SLC16A8: variants seen among roughly 807,000 people sequenced by gnomAD.
SLC16A8 encodes the protein monocarboxylate transporter 3.
A neutral mutation model predicts 22.4 loss-of-function variants in SLC16A8; 20 were observed. That is an observed-to-expected ratio of 0.89 (90% confidence interval 0.63 to 1.30). The LOEUF (loss-of-function observed/expected upper bound fraction) is 1.30. Ranked by LOEUF, SLC16A8 falls within the 50% of genes most tolerant of loss-of-function variation. The pLI is 0.00. For synonymous variants in SLC16A8, 393 were observed against 358.8 expected, an observed-to-expected ratio of 1.10 and a Z score of -1.08; for missense variants, 817 against 740.3, an observed-to-expected ratio of 1.10 and a Z score of -1.20.
Position 38,082,802 on chromosome 22 carries a change from G to A in SLC16A8, c.72C>T (p.Ala24=). ...DGGWGWVVLG[A]CFVVTGFAYG... ...AGGCGAAGCCGGTGACCACAAAGCA[G>A]GCGCCCAGCACCACCCAGCCCCAGC... The change falls in exon 3 of 6, where the codon GCC becomes GCT. Residue 24 remains alanine, a synonymous_variant. Coordinates refer to ENST00000681075, the MANE Select transcript of SLC16A8 (RefSeq NM_013356.3). The A allele has an allele frequency of 1.3e-6, 2 of 1,593,546 alleles. No homozygotes were observed. The highest frequency in any genetic ancestry group is 8.5e-7 in the Non-Finnish European group (1 of 1,173,978).
In SLC16A8 at chr22:38,079,801, C is replaced by T. The variant is rs550149466; in HGVS notation, c.1198+1039G>A. 3.3e-5 allele frequency among the ~76,000 whole-genome samples: 5 copies of T among 152,328 alleles called. No individual in the cohort carries two copies. In the South Asian group the frequency reaches 1.0e-3, roughly 32 times the overall value. Reference sequence around the variant, plus strand: ...TCTAGGTCATTCTCCTCACCCCATGCACCTCCTCTGCCCATCAGATCCATC... The same window carrying T: ...TCTAGGTCATTCTCCTCACCCCATGTACCTCCTCTGCCCATCAGATCCATC... On this transcript the variant is annotated intron_variant, in intron 5 of 5. Coordinates refer to ENST00000681075, the MANE Select transcript of SLC16A8 (RefSeq NM_013356.3).
Position 38,080,980 on chromosome 22 carries a change from A to C in SLC16A8, c.1058T>G (p.Phe353Cys), listed in dbSNP as rs1457940600. The part of the protein sequence containing the change: ...YGALVAFCVA[F>C]GLSYGMVGAL... The stretch of plus-strand genomic sequence containing the variant: ...GCCCACCATGCCGTAGGAGAGGCCG[A>C]AGGCGACGCAGAAGGCGACGAGGGC... Residue 353 changes from phenylalanine to cysteine, a missense_variant, in exon 5 of 6, where the codon TTC (phenylalanine) becomes TGC (cysteine). Transcript: ENST00000681075. 1.9e-6 allele frequency: 3 copies of C among 1,597,196 alleles called. No individual in the cohort carries two copies. Among genetic ancestry groups the C allele is most frequent in the Non-Finnish European group, 2.5e-6 (3 of 1,176,712 alleles).
chr22:38,081,343 G>T lies in SLC16A8; in HGVS notation c.695C>A (p.Ala232Glu), dbSNP rs1015847191. Residue 232 changes from alanine (A) to glutamate (E), a missense_variant, in exon 5 of 6, where the codon GCA becomes GAA. Physicochemically the swap from Ala to Glu is moderately radical, Grantham distance 107. Transcript: ENST00000681075. ...CCGGCGGGGCCGGACCCTGGGGGATGCCTCGCGCAGCTGCAGCCCCGCACC... is the reference window on the plus strand; with the variant it reads ...CCGGCGGGGCCGGACCCTGGGGGATTCCTCGCGCAGCTGCAGCCCCGCACC... ...ADGAGLQLREASPRVRPRRRL... is the reference protein window; with the variant it reads ...ADGAGLQLREESPRVRPRRRL... The T allele has an allele frequency of 2.7e-6, 4 of 1,463,338 alleles. No individual in the cohort carries two copies. The highest frequency in any genetic ancestry group is 3.0e-5 in the African/African-American group (2 of 67,456). The allele number at this position is 1,463,338 out of a possible 1,614,324, so 90.6% of individuals were successfully genotyped here.
rs1358683580 is a variant in SLC16A8, at chr22:38,082,721, G to T, written c.153C>A (p.Asp51Glu). 6.3e-7 allele frequency: 1 copy of T among 1,592,058 alleles called. No homozygotes were observed. ...VFFRALMRDF[D>E]AGYSDTAWVS... The stretch of plus-strand genomic sequence containing the variant: ...CCCAGGCCGTGTCGCTGTAGCCGGC[G>T]TCGAAGTCGCGCATGAGCGCGCGGA... The change falls in exon 3 of 6, where the codon GAC (aspartate) becomes GAA (glutamate). Residue 51 changes from aspartate (D) to glutamate (E), a missense_variant. Physicochemically the swap from Asp to Glu is conservative, Grantham distance 45 (BLOSUM62 2). Coordinates refer to ENST00000681075, the MANE Select transcript of SLC16A8 (RefSeq NM_013356.3).
In SLC16A8 at chr22:38,080,946, C is replaced by T. The variant is rs2085905152; in HGVS notation, c.1092G>A (p.Gln364=). ...GLSYGMVGAL[Q]FEVLMAAVGA... is the part of the protein sequence containing the mutation. ...CCACAGCCGCCATGAGCACCTCGAA[C>T]TGCAGCGCGCCCACCATGCCGTAGG... Residue 364 remains glutamine, a synonymous_variant, in exon 5 of 6, where the codon CAG becomes CAA. Transcript: ENST00000681075. 3 of 1,588,996 alleles carry T rather than the reference C, an allele frequency of 1.9e-6. No individual in the cohort carries two copies. Among genetic ancestry groups the T allele is most frequent in the Non-Finnish European group, 2.6e-6 (3 of 1,173,472 alleles).
Position 38,082,662 on chromosome 22 carries a change from G to T in SLC16A8, c.212C>A (p.Thr71Lys). ...SSIMLAMLYG[T>K]GPVSSILVTR... The stretch of plus-strand genomic sequence containing the variant: ...GAGGGCCGGGCGGGGACACTGACCC[G>T]TGCCGTAGAGCATGGCTAGCATGAT... The change falls in exon 3 of 6, where the codon ACG becomes AAG. Residue 71 changes from threonine (T) to lysine (K), a missense_variant and splice_region_variant. Thr to Lys is a moderately conservative substitution (Grantham distance 78). Transcript: ENST00000681075. The T allele has an allele frequency of 6.4e-7, 1 of 1,570,876 alleles. No individual in the cohort carries two copies. Among genetic ancestry groups the T allele is most frequent in the Non-Finnish European group, 8.6e-7 (1 of 1,160,012 alleles).
At chr22:38,082,179 C>T in intron 3 of SLC16A8, 147 bp from the exon 4 acceptor site, 3 of 1,027,470 alleles carry the variant, frequency 2.9e-6, no homozygotes, top group Non-Finnish European at 4.1e-6. Flanking sequence ...AAAGAGACAG[C>T]ATCCTGCGAG....
rs759275465 is a variant in SLC16A8, at chr22:38,082,730, G to A, written c.144C>T (p.Arg48=). 1.3e-6 allele frequency: 2 copies of A among 1,591,294 alleles called. No individual in the cohort carries two copies. Among genetic ancestry groups the A allele is most frequent in the Non-Finnish European group, 8.5e-7 (1 of 1,171,094 alleles). ...AVSVFFRALM[R]DFDAGYSDTA... ...TGTCGCTGTAGCCGGCGTCGAAGTC[G>A]CGCATGAGCGCGCGGAAGAAGACGC... The change falls in exon 3 of 6, where the codon CGC becomes CGT. Residue 48 remains arginine (R), a synonymous_variant. Coordinates refer to ENST00000681075, the MANE Select transcript of SLC16A8 (RefSeq NM_013356.3).
intron 5 of SLC16A8, among the ~76,000 whole-genome samples, chr22:38,079,906 G>T (rs1414813070): frequency 6.6e-6 from 1 of 152,198 alleles, no homozygotes; most frequent in African/African-American, 2.4e-5. Context: ...CACTGGCTCA[G>T]GGACTTTGCC....
At chr22:38,083,580 C>T (rs182287859) in intron 1 of SLC16A8, among the ~76,000 whole-genome samples, 4 of 152,332 alleles carry the variant, frequency 2.6e-5, no homozygotes, top group Admixed American at 1.3e-4. Context: ...AGGTCTCTGG[C>T]TTCTGCCAGA....
At position 38,081,235 on chromosome 22, in the gene SLC16A8, A is replaced by G. The variant is rs1324259955; in HGVS notation, c.803T>C (p.Phe268Ser). ...GTTCACCAGCAGGATGGCGGGGACG[A>G]AGAGCCCGAGCGCCATCAGGAACTT... ...VTKFLMALGL[F>S]VPAILLVNYA... Residue 268 changes from phenylalanine (F) to serine (S), a missense_variant, in exon 5 of 6, where the codon TTC becomes TCC. By Grantham distance (155) the Phe-to-Ser change is radical. Coordinates refer to ENST00000681075, the MANE Select transcript of SLC16A8 (RefSeq NM_013356.3). 7.6e-6 allele frequency: 12 copies of G among 1,581,904 alleles called. No homozygotes were observed. Among genetic ancestry groups the G allele is most frequent in the African/African-American group, 1.4e-5 (1 of 73,938 alleles).
rs2085919201 is a variant in SLC16A8 at position 38,081,613 on chromosome 22, C to T, written c.425G>A (p.Arg142Gln). The change falls in exon 5 of 6, where the codon CGG becomes CAG. Residue 142 changes from arginine (R) to glutamine (Q), a missense_variant. Arg to Gln is a conservative substitution (Grantham distance 43). Transcript: ENST00000681075. ...IMLGLYFERR[R>Q]PLANGLAAAG... ...CGCCGCCAGCCCGTTGGCCAGAGGC[C>T]GCCGCCGCTCGAAGTACAGCCCCAG... 9 of 1,520,502 alleles carry T rather than the reference C, an allele frequency of 5.9e-6. No individual in the cohort carries two copies. Among genetic ancestry groups the T allele is most frequent in the East Asian group, 2.6e-5 (1 of 38,262 alleles). The allele number at this position is 1,520,502 out of a possible 1,614,324, so 94.2% of individuals were successfully genotyped here. A position where few individuals can be genotyped will look rare whatever the true frequency, so the allele number is the denominator to read the frequency against.
chr22:38,081,023 G>T lies in SLC16A8; in HGVS notation c.1015C>A (p.Arg339Ser). Reference sequence around the variant, plus strand: ...ACGAGGGCGCCGTAGGAGCGCGCGCGTGCGCTGCTCAGGTCTGTGAGCCCA... The same window carrying T: ...ACGAGGGCGCCGTAGGAGCGCGCGCTTGCGCTGCTCAGGTCTGTGAGCCCA... ...ANGLTDLSSA[R>S]ARSYGALVAF... Residue 339 changes from arginine (R) to serine (S), a missense_variant, in exon 5 of 6, where the codon CGC (arginine) becomes AGC (serine). By Grantham distance (110) the Arg-to-Ser change is moderately radical (BLOSUM62 -1). Coordinates refer to ENST00000681075, the MANE Select transcript of SLC16A8 (RefSeq NM_013356.3). 1 of 1,596,488 alleles carries T rather than the reference G, an allele frequency of 6.3e-7. No homozygotes were observed. The highest frequency in any genetic ancestry group is 8.5e-7 in the Non-Finnish European group (1 of 1,177,258).
intron 5 of SLC16A8, among the ~76,000 whole-genome samples, chr22:38,079,455 C>T (rs761520080): frequency 5.3e-5 from 8 of 152,086 alleles, no homozygotes; most frequent in Non-Finnish European, 1.2e-4. Context: ...GGGTCTCACT[C>T]CATTGGCCCA....
chr22:38,078,364 C>T lies in SLC16A8; in HGVS notation c.*24G>A. Reference sequence around the variant, plus strand: ...GAAGCTGTGTTCCCAAGTCACTGGGCCACCCCACCCAGAGCACCCTGAGTT... The same window carrying T: ...GAAGCTGTGTTCCCAAGTCACTGGGTCACCCCACCCAGAGCACCCTGAGTT... On this transcript the variant is annotated 3_prime_UTR_variant, in exon 6 of 6. Coordinates refer to ENST00000681075, the MANE Select transcript of SLC16A8 (RefSeq NM_013356.3). 1.3e-6 allele frequency: 2 copies of T among 1,567,118 alleles called. No homozygotes were observed. Among genetic ancestry groups the T allele is most frequent in the Non-Finnish European group, 1.7e-6 (2 of 1,158,908 alleles).
chr22:38,082,610 C>T (rs2085935535), intron 3 of SLC16A8, 50 bp downstream of exon 3: 2 of 1,464,692 alleles, frequency 1.4e-6, no homozygotes, highest in African/African-American at 1.4e-5. Context: ...TCTCCTGGTT[C>T]CGGATCCCAG....
In SLC16A8 at chr22:38,078,204, G is replaced by GGGCCTGGCGGAACTTGGGGCAC. The variant is rs2085872979; in HGVS notation, c.*162_*183dup. 5 of 603,460 alleles carry GGGCCTGGCGGAACTTGGGGCAC rather than the reference G, an allele frequency of 8.3e-6. No individual in the cohort carries two copies. The highest frequency in any genetic ancestry group is 1.5e-5 in the Non-Finnish European group (5 of 342,714). 37.4% of individuals were successfully genotyped at this position (603,460 alleles called of 1,614,324 possible). Reference sequence around the variant, plus strand: ...TAGCAGCTTCACTGGCGATGGGGCAGGGCCTGGCGGAACTTGGGGCACAGA... The same window carrying GGGCCTGGCGGAACTTGGGGCAC: ...TAGCAGCTTCACTGGCGATGGGGCAGGGCCTGGCGGAACTTGGGGCACGGCCTGGCGGAACTTGGGGCACAGA... On this transcript the variant is annotated 3_prime_UTR_variant, in exon 6 of 6. Coordinates refer to ENST00000681075, the MANE Select transcript of SLC16A8 (RefSeq NM_013356.3).
Position 38,082,686 on chromosome 22 carries a change from A to G in SLC16A8, c.188T>C (p.Ile63Thr). The G allele has an allele frequency of 6.3e-7, 1 of 1,587,478 alleles. No individual in the cohort carries two copies. Among genetic ancestry groups the G allele is most frequent in the Non-Finnish European group, 8.6e-7 (1 of 1,168,812 alleles). ...GYSDTAWVSS[I>T]MLAMLYGTGP... ...CGTGCCGTAGAGCATGGCTAGCATG[A>G]TGGAGGACACCCAGGCCGTGTCGCT... Residue 63 changes from isoleucine to threonine, a missense_variant, in exon 3 of 6, where the codon ATC (isoleucine) becomes ACC (threonine). Transcript: ENST00000681075.
At position 38,082,668 on chromosome 22, in the gene SLC16A8, T is replaced by C. The variant is rs779316786; in HGVS notation, c.206A>G (p.Tyr69Cys). The C allele has an allele frequency of 2.5e-6, 4 of 1,576,388 alleles. No individual in the cohort carries two copies. Among genetic ancestry groups the C allele is most frequent in the South Asian group, 2.3e-5 (2 of 86,862 alleles). The change falls in exon 3 of 6, where the codon TAC becomes TGC. Residue 69 changes from tyrosine (Y) to cysteine (C), a missense_variant. Coordinates refer to ENST00000681075, the MANE Select transcript of SLC16A8 (RefSeq NM_013356.3). The part of the protein sequence containing the change: ...WVSSIMLAML[Y>C]GTGPVSSILV... ...CGGGCGGGGACACTGACCCGTGCCG[T>C]AGAGCATGGCTAGCATGATGGAGGA...
Sources: gnomAD v4.1 joint callset for allele counts (sites outside exome capture counted in the v4.1 genomes callset) on GRCh38, gnomAD v4.1.1 for gene constraint, MANE v1.5 for transcripts, NCBI Gene and HGNC (gene_info 2026-07-23, HGNC 2026-07-21) for gene names.